Variants in RAD9B observed in about 807,000 individuals in gnomAD.
The protein encoded by RAD9B is cell cycle checkpoint control protein RAD9B.
In RAD9B, 41 loss-of-function variants were observed where a neutral mutation model predicts 48.3. The ratio of observed to expected loss-of-function variants is 0.85; its 90% CI spans 0.66 to 1.10. The LOEUF (loss-of-function observed/expected upper bound fraction) is 1.10, where lower values mean the gene tolerates loss of function less well. Ranked by LOEUF, RAD9B falls within the 50% of genes least tolerant of loss-of-function variation. The pLI is 0.00. For synonymous variants in RAD9B, 160 were observed against 157.9 expected, an observed-to-expected ratio of 1.01 and a Z score of -0.10; for missense variants, 444 against 485.1, an observed-to-expected ratio of 0.92 and a Z score of 0.80.
intron 4 of RAD9B, among the ~76,000 whole-genome samples, chr12:110,512,363 G>A (rs1475078160): frequency 6.7e-6 from 1 of 148,536 alleles, no homozygotes; most frequent in South Asian, 2.1e-4. Context: ...TGACCAGGCT[G>A]GTTTTGAACT....
intron 9 of RAD9B, among the ~76,000 whole-genome samples, chr12:110,521,429 C>T (rs1220292881): frequency 2.0e-5 from 3 of 152,112 alleles, no homozygotes; most frequent in Non-Finnish European, 4.4e-5. Flanking sequence ...GCTAGGATTA[C>T]AGATGTGAGC....
intron 1 of RAD9B, 91 bp downstream of exon 1, chr12:110,502,474 C>T: frequency 6.8e-7 from 1 of 1,470,726 alleles, no homozygotes; most frequent in East Asian, 2.4e-5. Flanking sequence ...TTCCTCTTTG[C>T]CTTTTTGCGC....
At chr12:110,512,725 A>T in intron 4 of RAD9B, 54 bp from the exon 5 acceptor site, 2 of 762,582 alleles carry the variant, frequency 2.6e-6, no homozygotes, top group Non-Finnish European at 4.3e-6. Context: ...AGACTTCTTT[A>T]ATTTGTTAGT....
At chr12:110,511,101 A>G (rs73191829) in intron 4 of RAD9B, among the ~76,000 whole-genome samples, 8,251 of 152,316 alleles carry the variant, frequency 0.054, 297 homozygotes, top group Middle Eastern at 0.082. Context: ...ACTGAAAGAG[A>G]GTAATAGAGA....
At chr12:110,502,585 G>T (rs915424538) in intron 1 of RAD9B, 1 of 600,308 alleles carries the variant, frequency 1.7e-6, no homozygotes, top group Non-Finnish European at 3.0e-6. Context: ...CTTAGAGGCA[G>T]ATGTAATATG....
chr12:110,506,801 G>A, intron 4 of RAD9B, 108 bp downstream of exon 4: 2 of 620,900 alleles, frequency 3.2e-6, no homozygotes. Flanking sequence ...TTATTGCTTA[G>A]AGTGTGTGTA....
Position 110,507,301 on chromosome 12 carries a change from T to C in RAD9B, c.388+608T>C, listed in dbSNP as rs2063305661. On this transcript the variant is annotated intron_variant, in intron 4 of 10. Coordinates refer to ENST00000409300, the MANE Select transcript of RAD9B (RefSeq NM_001286535.2). ...CAAATATCCGTATGAATTCAAGCAA[T>C]TGGTTGTTCTAAAATTTACTAGCTG... Among the ~76,000 whole-genome samples the C allele has an allele frequency of 3.4e-5, 5 of 148,188 alleles. No individual in the cohort carries two copies. In the Admixed American group the frequency reaches 3.4e-4, roughly 10 times the overall value.
At position 110,531,584 on chromosome 12, in the gene RAD9B, G is replaced by T. The variant is rs773229943; in HGVS notation, c.*931G>T. The T allele has an allele frequency of 6.3e-7, 1 of 1,597,848 alleles. No homozygotes were observed. The highest frequency in any genetic ancestry group is 8.5e-7 in the Non-Finnish European group (1 of 1,170,964). ...TTTTTTATTTTGCAGTGTGCTGCAG[G>T]AAAGAATTTAATGGAAGTGATGCCA... On this transcript the variant is annotated 3_prime_UTR_variant, in exon 11 of 11. Transcript: ENST00000409300.
intron 4 of RAD9B, among the ~76,000 whole-genome samples, chr12:110,506,996 T>A (rs2063294605): frequency 6.6e-6 from 1 of 152,022 alleles, no homozygotes; most frequent in African/African-American, 2.4e-5. Flanking sequence ...CCTGCCATCA[T>A]GCCCAGCTAA....
At chr12:110,523,020 A>G (rs1011248746) in intron 10 of RAD9B, among the ~76,000 whole-genome samples, 9 of 152,126 alleles carry the variant, frequency 5.9e-5, no homozygotes, top group African/African-American at 1.9e-4. Context: ...TGATAATCCT[A>G]ATTTTACTTG....
At chr12:110,502,531 C>T (rs1593017878) in intron 1 of RAD9B, 148 bp downstream of exon 1, 2 of 843,082 alleles carry the variant, frequency 2.4e-6, no homozygotes, top group Non-Finnish European at 3.8e-6. Flanking sequence ...CCACTCAAGT[C>T]CCTGTTAACT....
rs527918967 is a variant in RAD9B, at chr12:110,533,010, C to T, written c.*2357C>T. 6.6e-6 allele frequency among the ~76,000 whole-genome samples: 1 copy of T among 152,282 alleles called. No homozygotes were observed. The highest frequency in any genetic ancestry group is 2.1e-4 in the South Asian group (1 of 4,832). On this transcript the variant is annotated 3_prime_UTR_variant, in exon 11 of 11. Coordinates refer to ENST00000409300, the MANE Select transcript of RAD9B (RefSeq NM_001286535.2). ...CTATACTATACGGAAGGTGCAAAGC[C>T]TCAGCTGGGAAAAAGTTCTATAATT...
chr12:110,522,862 C>T (rs1036814604), intron 10 of RAD9B, among the ~76,000 whole-genome samples: 4 of 152,154 alleles, frequency 2.6e-5, no homozygotes, highest in Admixed American at 2.6e-4. Context: ...ACAAATATCA[C>T]AAATTCCTTC....
Position 110,512,860 on chromosome 12 carries a change from C to A in RAD9B, c.470C>A (p.Thr157Lys). Residue 157 changes from threonine to lysine, a missense_variant, in exon 5 of 11, where the codon ACG (threonine) becomes AAG (lysine). Coordinates refer to ENST00000409300, the MANE Select transcript of RAD9B (RefSeq NM_001286535.2). ...VIFDKNVCTNTLMIQPRLLAD... is the reference protein window; with the variant it reads ...VIFDKNVCTNKLMIQPRLLAD... ...TTTGACAAGAATGTTTGTACTAATA[C>A]GCTAATGATTCAACCAAGGTAATGA... 1 of 1,538,334 alleles carries A rather than the reference C, an allele frequency of 6.5e-7. No individual in the cohort carries two copies. The highest frequency in any genetic ancestry group is 8.9e-7 in the Non-Finnish European group (1 of 1,119,694).
chr12:110,514,902 G>C, intron 5 of RAD9B, 148 bp from the exon 6 acceptor site: 1 of 548,462 alleles, frequency 1.8e-6, no homozygotes, highest in South Asian at 2.6e-5. Context: ...CTATGTATAA[G>C]AAAGAAGGTA....
chr12:110,518,741 G>A lies in RAD9B; in HGVS notation c.661G>A (p.Gly221Arg), dbSNP rs763079713. 1.2e-6 allele frequency: 2 copies of A among 1,611,098 alleles called. No individual in the cohort carries two copies. The highest frequency in any genetic ancestry group is 1.7e-6 in the Non-Finnish European group (2 of 1,177,736). The change falls in exon 7 of 11, where the codon GGA (glycine) becomes AGA (arginine). Residue 221 changes from glycine (G) to arginine (R), a missense_variant. Gly to Arg is a moderately radical substitution (Grantham distance 125). Coordinates refer to ENST00000409300, the MANE Select transcript of RAD9B (RefSeq NM_001286535.2). ...GSDEFDFFQI[G>R]MDTEITFCFK... The stretch of plus-strand genomic sequence containing the variant: ...AGATGAGTTTGACTTCTTTCAAATT[G>A]GAATGGACACTGAGATAACATTTTG...
At chr12:110,513,715 ATT>A (rs1377024179) in intron 5 of RAD9B, among the ~76,000 whole-genome samples, 1 of 146,366 alleles carries the variant, frequency 6.8e-6, no homozygotes, top group Non-Finnish European at 1.5e-5. Context: ...TATTATTATT[ATT>A]ATTATTATTA....
Position 110,533,373 on chromosome 12 carries a change from TAATGATA to T in RAD9B, c.*2721_*2727del, listed in dbSNP as rs2064183805. ...ATTGCCTCTTGGGTAATAAGACAAA[TAATGATA>T]GTCTCAACAGAAAAAAAGCAGCTCA... is the stretch of plus-strand genomic sequence containing the variant. On this transcript the variant is annotated 3_prime_UTR_variant, in exon 11 of 11. Coordinates refer to ENST00000409300, the MANE Select transcript of RAD9B (RefSeq NM_001286535.2). 1 of 152,176 alleles carries T rather than the reference TAATGATA, an allele frequency of 6.6e-6. No homozygotes were observed. Among genetic ancestry groups the T allele is most frequent in the African/African-American group, 2.4e-5 (1 of 41,422 alleles). The allele number at this position is 152,176 out of a possible 1,614,324, so 9.4% of individuals were successfully genotyped here. A position where few individuals can be genotyped will look rare whatever the true frequency, so the allele number is the denominator to read the frequency against.
chr12:110,531,893 G>T lies in RAD9B; in HGVS notation c.*1240G>T, dbSNP rs528938947. 3 of 412,690 alleles carry T rather than the reference G, an allele frequency of 7.3e-6. No homozygotes were observed. Among genetic ancestry groups the T allele is most frequent in the Admixed American group, 4.7e-5 (1 of 21,348 alleles). The allele number at this position is 412,690 out of a possible 1,614,324, so 25.6% of individuals were successfully genotyped here. Reference sequence around the variant, plus strand: ...TACATCTTTCTGAAACCTTCAAACCGTAAGGAAGTGTTAACTGGCAAGCAG... The same window carrying T: ...TACATCTTTCTGAAACCTTCAAACCTTAAGGAAGTGTTAACTGGCAAGCAG... On this transcript the variant is annotated 3_prime_UTR_variant, in exon 11 of 11. Transcript: ENST00000409300.
Sources: gnomAD v4.1 joint callset for allele counts (sites outside exome capture counted in the v4.1 genomes callset) on GRCh38, gnomAD v4.1.1 for gene constraint, MANE v1.5 for transcripts, NCBI Gene and HGNC (gene_info 2026-07-23, HGNC 2026-07-21) for gene names.